The following FARS2 variants were observed in gnomAD, a reference collection of about 807,000 sequenced individuals.
The protein encoded by FARS2 is phenylalanyl-tRNA synthetase 2, mitochondrial.
In FARS2, 40 loss-of-function variants were observed where a neutral mutation model predicts 46.4. That is an observed-to-expected ratio of 0.86 (90% CI 0.67 to 1.12). FARS2 has a LOEUF of 1.12. Ranked by LOEUF, FARS2 falls within the 50% of genes most tolerant of loss-of-function variation. FARS2 has a pLI of 0.00. For synonymous variants in FARS2, 234 were observed against 214.9 expected, an observed-to-expected ratio of 1.09 and a Z score of -0.78; for missense variants, 513 against 567.9, an observed-to-expected ratio of 0.90 and a Z score of 0.98.
chr6:5,532,309 C>G (rs1769893542), intron 4 of FARS2, among the ~76,000 whole-genome samples: 1 of 152,172 alleles, frequency 6.6e-6, no homozygotes, highest in South Asian at 2.1e-4. Flanking sequence ...AACATAAATT[C>G]AAGTCCCAAT....
intron 4 of FARS2, among the ~76,000 whole-genome samples, chr6:5,483,807 G>A (rs942333290): frequency 2.0e-5 from 3 of 152,114 alleles, no homozygotes; most frequent in African/African-American, 4.8e-5. Context: ...GTGAGGGGGG[G>A]CATTAAGACA....
chr6:5,591,569 A>G (rs1002970726), intron 5 of FARS2, among the ~76,000 whole-genome samples: 2 of 152,226 alleles, frequency 1.3e-5, no homozygotes, highest in Non-Finnish European at 2.9e-5. Flanking sequence ...TGTGTTTCAC[A>G]TTCGACATAA....
chr6:5,306,655 G>A (rs1274670852), intron 1 of FARS2, among the ~76,000 whole-genome samples: 18 of 152,160 alleles, frequency 1.2e-4, no homozygotes, highest in Admixed American at 1.1e-3. Flanking sequence ...GTGTGTCCCA[G>A]TATGTAAGCC....
intron 6 of FARS2, among the ~76,000 whole-genome samples, chr6:5,734,786 G>C (rs191201828): frequency 1.3e-5 from 2 of 152,196 alleles, no homozygotes; most frequent in Admixed American, 1.3e-4. Flanking sequence ...AAAGATAGAT[G>C]GTTGTTTGAT....
intron 4 of FARS2, among the ~76,000 whole-genome samples, chr6:5,458,974 T>G (rs774139285): frequency 5.3e-5 from 8 of 152,224 alleles, no homozygotes; most frequent in Admixed American, 2.0e-4. Context: ...TTCTCTCAGA[T>G]GCATTCCATT....
chr6:5,608,287 T>C (rs146900044), intron 5 of FARS2, among the ~76,000 whole-genome samples: 2 of 152,298 alleles, frequency 1.3e-5, no homozygotes, highest in Admixed American at 1.3e-4. Flanking sequence ...GGATCACACA[T>C]TTTTGCCTAT....
chr6:5,558,990 G>A (rs1489283169), intron 5 of FARS2, among the ~76,000 whole-genome samples: 1 of 152,116 alleles, frequency 6.6e-6, no homozygotes, highest in African/African-American at 2.4e-5. Flanking sequence ...TTAAAATGAT[G>A]ATATGTTCTA....
At chr6:5,431,017 T>C (rs1407179025) in intron 3 of FARS2, 24 bp from the exon 4 acceptor site, 2 of 1,611,326 alleles carry the variant, frequency 1.2e-6, no homozygotes, top group Non-Finnish European at 1.7e-6. Flanking sequence ...ACACTACTTA[T>C]TTGTTTCTTT....
intron 6 of FARS2, among the ~76,000 whole-genome samples, chr6:5,623,540 C>T (rs530262995): frequency 6.6e-6 from 1 of 152,068 alleles, no homozygotes; most frequent in East Asian, 1.9e-4. Flanking sequence ...GGTGAAACCC[C>T]GTCTCTACTA....
chr6:5,364,117 G>T (rs372535909), intron 1 of FARS2, among the ~76,000 whole-genome samples: 3 of 151,956 alleles, frequency 2.0e-5, no homozygotes, highest in Non-Finnish European at 2.9e-5. Context: ...TAGTTCATCC[G>T]TTACCCGATC....
chr6:5,344,204 G>A (rs1757078794), intron 1 of FARS2, among the ~76,000 whole-genome samples: 1 of 152,132 alleles, frequency 6.6e-6, no homozygotes, highest in Non-Finnish European at 1.5e-5. Flanking sequence ...CTGTAGAGAG[G>A]TTGGCCGAGG....
At chr6:5,444,210 T>G (rs1172301884) in intron 4 of FARS2, among the ~76,000 whole-genome samples, 2 of 151,992 alleles carry the variant, frequency 1.3e-5, no homozygotes, top group Non-Finnish European at 2.9e-5. Flanking sequence ...GGCTCAAGCC[T>G]GTAATCCGAG....
intron 6 of FARS2, among the ~76,000 whole-genome samples, chr6:5,707,357 C>A (rs954737204): frequency 1.1e-4 from 16 of 152,192 alleles, no homozygotes; most frequent in Non-Finnish European, 4.4e-5. Flanking sequence ...CTTTCACAAG[C>A]CGCTAAGCAT....
At chr6:5,564,545 A>T (rs1364095507) in intron 5 of FARS2, among the ~76,000 whole-genome samples, 2 of 152,246 alleles carry the variant, frequency 1.3e-5, no homozygotes, top group African/African-American at 4.8e-5. Flanking sequence ...TGACAAATGT[A>T]AGATAAACTT....
intron 5 of FARS2, among the ~76,000 whole-genome samples, chr6:5,549,696 T>C (rs947798044): frequency 1.3e-5 from 2 of 152,182 alleles, no homozygotes; most frequent in Non-Finnish European, 2.9e-5. Flanking sequence ...AATTCTCTAA[T>C]ACAAAAGGAA....
chr6:5,538,733 G>A (rs1770377918), intron 4 of FARS2, among the ~76,000 whole-genome samples: 1 of 152,158 alleles, frequency 6.6e-6, no homozygotes, highest in African/African-American at 2.4e-5. Flanking sequence ...ACACAATGCA[G>A]GGGTGCGATT....
intron 1 of FARS2, among the ~76,000 whole-genome samples, chr6:5,263,662 C>A (rs962006655): frequency 6.6e-6 from 1 of 152,080 alleles, no homozygotes; most frequent in Non-Finnish European, 1.5e-5. Flanking sequence ...CAGGAGGTAC[C>A]ATTTAGGCAT....
intron 1 of FARS2, among the ~76,000 whole-genome samples, chr6:5,316,433 T>C (rs1006349612): frequency 4.6e-5 from 7 of 152,160 alleles, no homozygotes; most frequent in African/African-American, 1.7e-4. Flanking sequence ...TCCTGTACAG[T>C]AAGGGAAAAG....
chr6:5,599,166 G>C (rs969437221), intron 5 of FARS2, among the ~76,000 whole-genome samples: 4 of 152,172 alleles, frequency 2.6e-5, no homozygotes, highest in Non-Finnish European at 4.4e-5. Flanking sequence ...GGGGTTCGCA[G>C]ACCTAGCTTC....
Sources: allele counts gnomAD v4.1 joint callset (sites outside exome capture counted in the v4.1 genomes callset), GRCh38; gene constraint gnomAD v4.1.1; transcripts MANE v1.5; gene names NCBI Gene and HGNC (gene_info 2026-07-23, HGNC 2026-07-21).